TAF8: variants seen among roughly 807,000 people sequenced by gnomAD.
TAF8 encodes TATA-box binding protein associated factor 8, also known as transcription initiation factor TFIID subunit 8.
TAF8 carries 47 observed loss-of-function variants against 36.5 expected under a neutral mutation model. That is an observed-to-expected ratio of 1.29 (90% CI 1.02 to 1.64). TAF8 has a LOEUF of 1.64. Among genes scored for constraint, TAF8 ranks in the 40% most tolerant of loss-of-function variants. The pLI, the probability that TAF8 is intolerant of heterozygous loss-of-function variation, is 0.00. For synonymous variants in TAF8, 175 were observed against 159.5 expected (o/e 1.10, Z -0.73); for missense variants, 420 against 407.6 (o/e 1.03, Z -0.26).
chr6:42,052,990 G>A (rs1245742524), intron 2 of TAF8, among the ~76,000 whole-genome samples: 2 of 152,210 alleles, frequency 1.3e-5, no homozygotes, highest in Non-Finnish European at 2.9e-5. Context: ...GTGGCTCTCT[G>A]CAGCTGATAT....
At chr6:42,060,396 T>C (rs1765149504) in intron 5 of TAF8, among the ~76,000 whole-genome samples, 1 of 152,244 alleles carries the variant, frequency 6.6e-6, no homozygotes, top group Non-Finnish European at 1.5e-5. Flanking sequence ...TTGCATAAAG[T>C]GCAGCAAGAA....
Position 42,051,363 on chromosome 6 carries a change from G to T in TAF8, c.52G>T (p.Gly18Ter), listed in dbSNP as rs531214257. 2 of 1,612,914 alleles carry T rather than the reference G, an allele frequency of 1.2e-6. No homozygotes were observed. Among genetic ancestry groups the T allele is most frequent in the Admixed American group, 1.7e-5 (1 of 59,996 alleles). Residue 18 changes from glycine (G) to a stop codon, truncating the protein, a stop_gained, in exon 2 of 9, where the codon GGA (glycine) becomes TGA (stop). Transcript: ENST00000372977. LOFTEE classifies it high-confidence loss of function. ...AGAGGSGTRS[G>*]SKQSTNPADN... is the part of the protein sequence containing the mutation. ...TCTCTCTGCTGATTCACAGAGATCGGGAAGTAAACAGTCCACTAACCCTGC... is the reference window on the plus strand; with the variant it reads ...TCTCTCTGCTGATTCACAGAGATCGTGAAGTAAACAGTCCACTAACCCTGC...
intron 7 of TAF8, 68 bp downstream of exon 7, chr6:42,068,675 C>T (rs1325192401): frequency 5.7e-6 from 9 of 1,582,072 alleles, no homozygotes; most frequent in Non-Finnish European, 6.0e-6. Flanking sequence ...CAGTCTGTCA[C>T]CCTGGGACCT....
In TAF8 at chr6:42,079,398, G is replaced by A. The variant is rs1027598335; in HGVS notation, c.*1853G>A. 1 of 985,336 alleles carries A rather than the reference G, an allele frequency of 1.0e-6. No individual in the cohort carries two copies. The highest frequency in any genetic ancestry group is 1.7e-5 in the African/African-American group (1 of 57,250). The allele number at this position is 985,336 out of a possible 1,614,324, so 61.0% of individuals were successfully genotyped here. A position where few individuals can be genotyped will look rare whatever the true frequency, so the allele number is the denominator to read the frequency against. ...AGTTTTTAAGGAAGATGCTGGGCAT[G>A]CTGATAGCTTTTCTGGTCTCCTAAG... is the stretch of plus-strand genomic sequence containing the variant. On this transcript the variant is annotated 3_prime_UTR_variant, in exon 9 of 9. Transcript: ENST00000372977.
chr6:42,069,786 C>T (rs1465489752), intron 7 of TAF8, among the ~76,000 whole-genome samples: 1 of 152,060 alleles, frequency 6.6e-6, no homozygotes, highest in Non-Finnish European at 1.5e-5. Context: ...TGAGCTCTTC[C>T]AGGGATGAGT....
chr6:42,086,621 C>A, downstream of TAF8: 2 of 1,182,502 alleles, frequency 1.7e-6, no homozygotes, highest in Non-Finnish European at 2.5e-6. Flanking sequence ...CTGCGGCACC[C>A]CCTCTCCAAT....
rs60628172 is a variant in TAF8, at chr6:42,081,190, T to TGTGCGCGC, written c.*3646_*3647insTGCGCGCG. On this transcript the variant is annotated 3_prime_UTR_variant, in exon 9 of 9. Coordinates refer to ENST00000372977, the MANE Select transcript of TAF8 (RefSeq NM_138572.3). ...CCTGGAGTGTGTGTGTGTGTGTGTG[T>TGTGCGCGC]GCGTGTGTGTGCGTGTGAGACAGAG... The TGTGCGCGC allele has an allele frequency of 1.3e-5, 2 of 154,514 alleles. No homozygotes were observed. Among genetic ancestry groups the TGTGCGCGC allele is most frequent in the Admixed American group, 1.3e-4 (2 of 15,134 alleles). The allele number at this position is 154,514 out of a possible 1,614,324, so 9.6% of individuals were successfully genotyped here.
chr6:42,076,051 T>TAC (rs1034202907), intron 7 of TAF8, among the ~76,000 whole-genome samples: 2 of 151,810 alleles, frequency 1.3e-5, no homozygotes, highest in African/African-American at 4.8e-5. Context: ...CTACTAAAAA[T>TAC]AAAAAACTTA....
chr6:42,056,243 T>C, intron 4 of TAF8: 1 of 447,748 alleles, frequency 2.2e-6, no homozygotes, highest in Non-Finnish European at 4.0e-6. Context: ...GTTTCTTGTG[T>C]TCTAGCCCCA....
chr6:42,060,267 T>C (rs1277904092), intron 5 of TAF8, among the ~76,000 whole-genome samples: 1 of 152,152 alleles, frequency 6.6e-6, no homozygotes, highest in African/African-American at 2.4e-5. Context: ...TGTACTATAG[T>C]TTTTCTTTTG....
At chr6:42,051,186 C>G in intron 1 of TAF8, 171 bp from the exon 2 acceptor site, 1 of 1,304,438 alleles carries the variant, frequency 7.7e-7, no homozygotes, top group South Asian at 1.7e-5. Flanking sequence ...TTTAAAGCAC[C>G]TTGGGTGCTC....
At chr6:42,057,751 C>G in intron 5 of TAF8, 1 of 400,296 alleles carries the variant, frequency 2.5e-6, no homozygotes, top group Non-Finnish European at 4.3e-6. Context: ...AAGACCCTGT[C>G]TCATTTGAAA....
At chr6:42,086,774 C>T (rs1261052016), downstream of TAF8, 2 of 1,549,432 alleles carry the variant, frequency 1.3e-6, no homozygotes, top group African/African-American at 1.4e-5. Context: ...AAGTGCTCCC[C>T]AAGGAGATCG....
In TAF8 at chr6:42,081,175, G is replaced by GTA. The variant is rs1765912231; in HGVS notation, c.*3631_*3632insAT. The GTA allele has an allele frequency of 1.8e-5, 1 of 55,606 alleles. No homozygotes were observed. 3.4% of individuals were successfully genotyped at this position (55,606 alleles called of 1,614,324 possible). On this transcript the variant is annotated 3_prime_UTR_variant, in exon 9 of 9. Coordinates refer to ENST00000372977, the MANE Select transcript of TAF8 (RefSeq NM_138572.3). ...TTTATTTTCTTTCCTCCTGGAGTGT[G>GTA]TGTGTGTGTGTGTGTGCGTGTGTGT...
In TAF8 at chr6:42,068,328, T is replaced by C. The variant is rs1364128623; in HGVS notation, c.638-137T>C. 3.4e-6 allele frequency: 3 copies of C among 871,742 alleles called. No homozygotes were observed. The African/African-American group carries it at 5.0e-5, about 14-fold the overall frequency. The allele number at this position is 871,742 out of a possible 1,614,324, so 54.0% of individuals were successfully genotyped here. A position where few individuals can be genotyped will look rare whatever the true frequency, so the allele number is the denominator to read the frequency against. On this transcript the variant is annotated intron_variant, in intron 6 of 8. Coordinates refer to ENST00000372977, the MANE Select transcript of TAF8 (RefSeq NM_138572.3). ...AGCCCGTAGAACATTGCCTGGCCTG[T>C]TGTGTAAGTACTTGGAGCGAGTTAG... is the stretch of plus-strand genomic sequence containing the variant.
intron 5 of TAF8, among the ~76,000 whole-genome samples, chr6:42,061,918 T>C (rs953570206): frequency 7.9e-5 from 12 of 152,164 alleles, no homozygotes; most frequent in Non-Finnish European, 1.6e-4. Context: ...GTCATTCGTT[T>C]AGCCAAAATG....
downstream of TAF8, chr6:42,086,618 A>C (rs1582258944): frequency 8.7e-7 from 1 of 1,146,876 alleles, no homozygotes; most frequent in Non-Finnish European, 1.3e-6. Context: ...GATCTGCGGC[A>C]CCCCCTCTCC....
intron 5 of TAF8, chr6:42,063,588 TTTTG>T (rs1220473200): frequency 6.6e-6 from 1 of 152,062 alleles, no homozygotes; most frequent in African/African-American, 2.4e-5. Flanking sequence ...ATCATAGGGT[TTTTG>T]TTTGTTTTGT....
chr6:42,060,180 T>C (rs1158599430), intron 5 of TAF8, among the ~76,000 whole-genome samples: 1 of 152,166 alleles, frequency 6.6e-6, no homozygotes, highest in Non-Finnish European at 1.5e-5. Flanking sequence ...AAGCACTAGT[T>C]TGGGGACTTC....
Sources: allele counts gnomAD v4.1 joint callset (sites outside exome capture counted in the v4.1 genomes callset), GRCh38; gene constraint gnomAD v4.1.1; transcripts MANE v1.5; gene names NCBI Gene and HGNC (gene_info 2026-07-23, HGNC 2026-07-21).